FHIT: variants seen among roughly 807,000 people sequenced by gnomAD.
FHIT encodes the protein fragile histidine triad diadenosine triphosphatase, also known as bis(5'-adenosyl)-triphosphatase.
FHIT carries 19 observed loss-of-function variants against 17.9 expected under a neutral mutation model. The observed-to-expected ratio is 1.06, with a 90% CI of 0.74 to 1.56. The LOEUF is 1.56. FHIT is among the 40% of genes most tolerant of loss of function. The pLI is 0.00. For missense variants in FHIT, 248 were observed against 189.2 expected (o/e 1.31, Z -1.82); for synonymous variants, 81 against 69.7 (o/e 1.16, Z -0.81).
intron 4 of FHIT, among the ~76,000 whole-genome samples, chr3:60,648,000 C>A (rs1303189353): frequency 6.6e-6 from 1 of 152,064 alleles, no homozygotes; most frequent in Admixed American, 6.6e-5. Context: ...GAATAAGACA[C>A]AAAAGTCCTG....
At chr3:61,010,427 T>C (rs2031725834) in intron 3 of FHIT, among the ~76,000 whole-genome samples, 1 of 152,184 alleles carries the variant, frequency 6.6e-6, no homozygotes, top group Admixed American at 6.6e-5. Flanking sequence ...TTTATGTGAC[T>C]CAACAATCCC....
At chr3:60,315,758 C>G (rs1460763258) in intron 5 of FHIT, among the ~76,000 whole-genome samples, 1 of 152,160 alleles carries the variant, frequency 6.6e-6, no homozygotes, top group Non-Finnish European at 1.5e-5. Context: ...TATGAACATT[C>G]TCATACATCT....
At chr3:60,337,425 G>C (rs112603041) in intron 5 of FHIT, among the ~76,000 whole-genome samples, 460 of 152,218 alleles carry the variant, frequency 3.0e-3, no homozygotes, top group African/African-American at 0.011. Context: ...ATGAAGTAAT[G>C]CCTGAATAAT....
intron 4 of FHIT, among the ~76,000 whole-genome samples, chr3:60,548,862 T>G (rs1486409713): frequency 6.6e-6 from 1 of 152,230 alleles, no homozygotes; most frequent in Non-Finnish European, 1.5e-5. Flanking sequence ...ATCATACTCT[T>G]GACTCCAACA....
chr3:60,914,396 C>T (rs1025287294), intron 3 of FHIT, among the ~76,000 whole-genome samples: 1 of 151,778 alleles, frequency 6.6e-6, no homozygotes, highest in Non-Finnish European at 1.5e-5. Flanking sequence ...TTTAATTAAT[C>T]GTGCACACAA....
intron 5 of FHIT, among the ~76,000 whole-genome samples, chr3:60,343,216 A>C (rs1710613243): frequency 6.6e-6 from 1 of 152,126 alleles, no homozygotes; most frequent in South Asian, 2.1e-4. Flanking sequence ...ATTTTGGAGG[A>C]GATTTCTACT....
intron 4 of FHIT, among the ~76,000 whole-genome samples, chr3:60,787,099 G>C (rs1485677031): frequency 3.3e-5 from 5 of 152,032 alleles, no homozygotes; most frequent in Admixed American, 6.6e-5. Flanking sequence ...TATTTTGTCA[G>C]CTTCTTCTAG....
chr3:59,859,699 C>G (rs551735225), intron 8 of FHIT, among the ~76,000 whole-genome samples: 1 of 152,080 alleles, frequency 6.6e-6, no homozygotes, highest in African/African-American at 2.4e-5. Context: ...CCAGCCTGGG[C>G]GACAGAGGGA....
chr3:59,982,636 C>G lies in FHIT; in HGVS notation c.279+28735G>C, dbSNP rs377499161. Among the ~76,000 whole-genome samples the G allele has an allele frequency of 1.2e-4, 18 of 152,266 alleles. No homozygotes were observed. The East Asian group carries it at 2.7e-3, about 23-fold the overall frequency. On this transcript the variant is annotated intron_variant, in intron 7 of 9. Transcript: ENST00000492590. ...TTCTGTGCTCAATTTCCGGTATATG[C>G]CGTACTTGCAGAAAGGGATGAAGTT...
intron 5 of FHIT, among the ~76,000 whole-genome samples, chr3:60,075,647 G>A (rs1476195443): frequency 6.6e-6 from 1 of 151,770 alleles, no homozygotes; most frequent in East Asian, 1.9e-4. Context: ...TGGTGGATGT[G>A]GTATGGAACA....
chr3:59,768,525 T>C (rs890716658), intron 8 of FHIT, among the ~76,000 whole-genome samples: 1 of 152,216 alleles, frequency 6.6e-6, no homozygotes, highest in African/African-American at 2.4e-5. Context: ...GGACACTTAT[T>C]GTACATGCCT....
chr3:60,045,989 A>G (rs1021534606), intron 5 of FHIT, among the ~76,000 whole-genome samples: 1 of 152,348 alleles, frequency 6.6e-6, no homozygotes, highest in Non-Finnish European at 1.5e-5. Flanking sequence ...TTTGGTTACA[A>G]TCAAAGCCTA....
chr3:60,257,688 T>A (rs138004296), intron 5 of FHIT, among the ~76,000 whole-genome samples: 1 of 152,184 alleles, frequency 6.6e-6, no homozygotes, highest in African/African-American at 2.4e-5. Context: ...TGATGTCTCA[T>A]GCTTTAGCTC....
At chr3:60,122,576 A>G (rs1254168948) in intron 5 of FHIT, among the ~76,000 whole-genome samples, 5 of 152,184 alleles carry the variant, frequency 3.3e-5, no homozygotes. Flanking sequence ...AGATCATTTT[A>G]TGGGAAAAAG....
chr3:60,027,948 G>T (rs924270093), intron 5 of FHIT, among the ~76,000 whole-genome samples: 3 of 151,996 alleles, frequency 2.0e-5, no homozygotes, highest in African/African-American at 7.3e-5. Context: ...ATATTTAATT[G>T]CATTTTGTTT....
intron 2 of FHIT, among the ~76,000 whole-genome samples, chr3:61,059,596 G>A (rs1005323681): frequency 5.9e-5 from 9 of 151,958 alleles, no homozygotes; most frequent in Non-Finnish European, 1.3e-4. Flanking sequence ...AGGAAATGGA[G>A]ACCTTAAGTG....
intron 8 of FHIT, among the ~76,000 whole-genome samples, chr3:59,806,254 A>G (rs1700192007): frequency 6.6e-6 from 1 of 152,084 alleles, no homozygotes. Flanking sequence ...TACATGTGTT[A>G]TGTGGCAAGA....
chr3:60,355,790 C>T (rs569872718), intron 5 of FHIT, among the ~76,000 whole-genome samples: 1 of 152,126 alleles, frequency 6.6e-6, no homozygotes, highest in Admixed American at 6.5e-5. Context: ...AATTCAGAAG[C>T]TCTTTATGTT....
At chr3:60,161,671 C>T (rs1047210948) in intron 5 of FHIT, among the ~76,000 whole-genome samples, 1 of 151,856 alleles carries the variant, frequency 6.6e-6, no homozygotes, top group African/African-American at 2.4e-5. Context: ...TCAGGAGGGA[C>T]CTGCATTTGG....
Sources: allele counts gnomAD v4.1 joint callset (sites outside exome capture counted in the v4.1 genomes callset), GRCh38; gene constraint gnomAD v4.1.1; transcripts MANE v1.5; gene names NCBI Gene and HGNC (gene_info 2026-07-23, HGNC 2026-07-21).